The following GARRE1 variants were observed in gnomAD, a reference collection of about 807,000 sequenced individuals.
GARRE1 encodes granule associated Rac and RHOG effector 1.
GARRE1 carries 49 observed loss-of-function variants against 103.2 expected under a neutral mutation model. The ratio of observed to expected loss-of-function variants is 0.47; its 90% CI spans 0.38 to 0.60. The LOEUF is 0.60. Ranked by LOEUF, GARRE1 falls within the 20% of genes least tolerant of loss-of-function variation. The pLI, the probability that GARRE1 is intolerant of heterozygous loss-of-function variation, is 0.00. For missense variants in GARRE1, 1,199 were observed against 1,370.5 expected, an observed-to-expected ratio of 0.87 and a Z score of 1.98; for synonymous variants, 505 against 532.8, an observed-to-expected ratio of 0.95 and a Z score of 0.72.
chr19:34,307,762 GTA>G (rs1221514320), intron 2 of GARRE1, among the ~76,000 whole-genome samples: 2 of 125,696 alleles, frequency 1.6e-5, no homozygotes, highest in Non-Finnish European at 3.3e-5. Flanking sequence ...TACATATATA[GTA>G]TATATATACT....
intron 3 of GARRE1, among the ~76,000 whole-genome samples, chr19:34,327,169 T>C (rs1327902130): frequency 6.6e-6 from 1 of 151,346 alleles, no homozygotes; most frequent in Non-Finnish European, 1.5e-5. Context: ...TAAAATAAAA[T>C]AAAATAAAAT....
intron 2 of GARRE1, among the ~76,000 whole-genome samples, chr19:34,305,335 C>T (rs756764652): frequency 1.1e-4 from 16 of 152,108 alleles, no homozygotes; most frequent in Non-Finnish European, 1.9e-4. Context: ...CACCATTGTG[C>T]CTGGTCACTG....
Position 34,328,055 on chromosome 19 carries a change from G to A in GARRE1, c.1008G>A (p.Gln336=), listed in dbSNP as rs1213738000. 3.5e-5 allele frequency: 57 copies of A among 1,614,080 alleles called. No individual in the cohort carries two copies. The highest frequency in any genetic ancestry group is 4.5e-5 in the Non-Finnish European group (53 of 1,180,048). The change falls in exon 6 of 14, where the codon CAG becomes CAA. Residue 336 remains glutamine (Q), a synonymous_variant. Transcript: ENST00000299505. The part of the protein sequence containing the change: ...GRRQTPPQPM[Q]CELPTVPVQI... ...GGCAGACACCCCCGCAGCCCATGCAGTGTGAGCTCCCCACCGTCCCTGTGC... is the reference window on the plus strand; with the variant it reads ...GGCAGACACCCCCGCAGCCCATGCAATGTGAGCTCCCCACCGTCCCTGTGC...
chr19:34,276,096 T>C (rs1486111825), intron 1 of GARRE1, among the ~76,000 whole-genome samples: 1 of 152,206 alleles, frequency 6.6e-6, no homozygotes, highest in Non-Finnish European at 1.5e-5. Context: ...CAGACTGGTG[T>C]GCAGTGGTGC....
At chr19:34,262,521 C>T (rs992608669) in intron 1 of GARRE1, among the ~76,000 whole-genome samples, 1 of 151,956 alleles carries the variant, frequency 6.6e-6, no homozygotes, top group African/African-American at 2.4e-5. Context: ...GTCTGGAACT[C>T]CTGACCTCAG....
intron 2 of GARRE1, among the ~76,000 whole-genome samples, chr19:34,308,620 G>A (rs946446615): frequency 6.6e-5 from 10 of 152,140 alleles, no homozygotes; most frequent in Non-Finnish European, 1.0e-4. Flanking sequence ...CCCATTCTAC[G>A]TGGGTGGAAG....
chr19:34,337,918 G>A (rs1357044140), intron 8 of GARRE1, among the ~76,000 whole-genome samples: 1 of 152,188 alleles, frequency 6.6e-6, no homozygotes, highest in Non-Finnish European at 1.5e-5. Flanking sequence ...CTGATTATCA[G>A]TGATTCCAGA....
At chr19:34,343,630 TGAGGCCAGGAG>T (rs2074197170) in intron 10 of GARRE1, among the ~76,000 whole-genome samples, 1 of 152,146 alleles carries the variant, frequency 6.6e-6, no homozygotes, top group Non-Finnish European at 1.5e-5. Context: ...GCAGATTGCC[TGAGGCCAGGAG>T]TTCAAGACCA....
At chr19:34,296,665 A>T (rs931118132) in intron 1 of GARRE1, 2 of 932,054 alleles carry the variant, frequency 2.1e-6, no homozygotes, top group African/African-American at 3.2e-5. Context: ...TATCTTTGTG[A>T]TCGGGGTTTC....
chr19:34,263,391 C>T (rs1225096275), intron 1 of GARRE1, among the ~76,000 whole-genome samples: 1 of 151,854 alleles, frequency 6.6e-6, no homozygotes, highest in African/African-American at 2.4e-5. Flanking sequence ...CCCCAGAAAA[C>T]CAGGCTGTTA....
chr19:34,289,916 G>A (rs550779745), intron 1 of GARRE1, among the ~76,000 whole-genome samples: 11 of 152,152 alleles, frequency 7.2e-5, no homozygotes, highest in African/African-American at 2.4e-4. Flanking sequence ...ATAAATTGAA[G>A]GGTTTAAGTT....
chr19:34,313,812 A>G (rs2074047695), intron 2 of GARRE1, among the ~76,000 whole-genome samples: 2 of 152,014 alleles, frequency 1.3e-5, no homozygotes, highest in South Asian at 4.1e-4. Context: ...GTTTTTATTT[A>G]TTTTTTGAAA....
intron 1 of GARRE1, among the ~76,000 whole-genome samples, chr19:34,260,487 G>C (rs2073710637): frequency 6.6e-6 from 1 of 151,992 alleles, no homozygotes; most frequent in East Asian, 1.9e-4. Flanking sequence ...TATACTTCTT[G>C]ATCACCTTTT....
chr19:34,307,799 A>ATATATAT (rs1372965326), intron 2 of GARRE1, among the ~76,000 whole-genome samples: 1 of 118,462 alleles, frequency 8.4e-6, no homozygotes, highest in African/African-American at 3.3e-5. Context: ...CTATAAAAAA[A>ATATATAT]AAATATATAT....
chr19:34,307,707 TTATATATATACTATATATACA>T (rs2074015416), intron 2 of GARRE1, among the ~76,000 whole-genome samples: 1 of 69,214 alleles, frequency 1.4e-5, no homozygotes, highest in Non-Finnish European at 4.3e-5. Flanking sequence ...ACATATATAC[TTATATATATACTATATATACA>T]TATATACTTA....
intron 7 of GARRE1, among the ~76,000 whole-genome samples, chr19:34,331,692 A>G (rs1599777037): frequency 6.6e-6 from 1 of 152,160 alleles, no homozygotes; most frequent in South Asian, 2.1e-4. Context: ...GTAAACGACT[A>G]CTTTTCAAAA....
At chr19:34,321,412 T>C (rs2074088322) in intron 3 of GARRE1, among the ~76,000 whole-genome samples, 1 of 151,548 alleles carries the variant, frequency 6.6e-6, no homozygotes. Context: ...GTCAGTGCTT[T>C]ACATGTGATT....
At chr19:34,351,934 A>C (rs73028316) in intron 13 of GARRE1, among the ~76,000 whole-genome samples, 88 of 151,496 alleles carry the variant, frequency 5.8e-4, no homozygotes, top group Admixed American at 1.4e-3. Flanking sequence ...CTGTCTCTGC[A>C]AAAAAATTAA....
chr19:34,301,492 C>A (rs561061767), intron 2 of GARRE1, among the ~76,000 whole-genome samples: 3 of 120,612 alleles, frequency 2.5e-5, no homozygotes, highest in African/African-American at 1.0e-4. Context: ...CCAGCCTGGA[C>A]GGCAGAGTGA....
Sources: allele counts gnomAD v4.1 joint callset (sites outside exome capture counted in the v4.1 genomes callset), GRCh38; gene constraint gnomAD v4.1.1; transcripts MANE v1.5; gene names NCBI Gene and HGNC (gene_info 2026-07-23, HGNC 2026-07-21).